The following RERG variants were observed in gnomAD, a reference collection of about 807,000 sequenced individuals.
RERG encodes the protein ras-related and estrogen-regulated growth inhibitor.
A neutral mutation model predicts 23.2 loss-of-function variants in RERG; 25 were observed. That is an observed-to-expected ratio of 1.08 (90% CI 0.79 to 1.50). The LOEUF is 1.50. RERG is among the 40% of genes most tolerant of loss of function. The pLI is 0.00. For missense variants in RERG, 253 were observed against 250.1 expected (o/e 1.01, Z -0.08); for synonymous variants, 81 against 89.1 (o/e 0.91, Z 0.51).
chr12:15,132,923 T>A (rs1313536591), intron 2 of RERG, among the ~76,000 whole-genome samples: 1 of 151,884 alleles, frequency 6.6e-6, no homozygotes, highest in Non-Finnish European at 1.5e-5. Context: ...TTTAAGTTCA[T>A]AGCAAAATTG....
At chr12:15,208,585 T>G (rs1038461514) in intron 2 of RERG, among the ~76,000 whole-genome samples, 10 of 152,160 alleles carry the variant, frequency 6.6e-5, no homozygotes, top group African/African-American at 2.4e-4. Flanking sequence ...CTTTGCCTTT[T>G]TGGAAGGTAC....
intron 3 of RERG, among the ~76,000 whole-genome samples, chr12:15,117,670 C>T (rs377326165): frequency 1.8e-5 from 1 of 54,682 alleles, no homozygotes; most frequent in African/African-American, 7.3e-5. Context: ...CTCCATCACA[C>T]ACGCGCACAC....
intron 3 of RERG, among the ~76,000 whole-genome samples, chr12:15,113,100 T>C (rs1863652824): frequency 6.6e-6 from 1 of 152,192 alleles, no homozygotes; most frequent in African/African-American, 2.4e-5. Flanking sequence ...AATCCTGGCA[T>C]TACAATTCTA....
At chr12:15,203,220 T>G (rs1016156366) in intron 2 of RERG, among the ~76,000 whole-genome samples, 4 of 151,894 alleles carry the variant, frequency 2.6e-5, no homozygotes, top group Admixed American at 2.6e-4. Flanking sequence ...TTTTTAAAAT[T>G]AACCCTTTAT....
At chr12:15,159,039 T>C (rs559899171) in intron 2 of RERG, among the ~76,000 whole-genome samples, 2 of 152,374 alleles carry the variant, frequency 1.3e-5, no homozygotes, top group East Asian at 1.9e-4. Context: ...ATCAATTATT[T>C]TGATAATTTC....
chr12:15,219,876 T>C (rs1374000097), intron 1 of RERG, among the ~76,000 whole-genome samples: 1 of 152,202 alleles, frequency 6.6e-6, no homozygotes, highest in Admixed American at 6.5e-5. Flanking sequence ...AACTCCCAAA[T>C]GGCCCCAGAG....
chr12:15,126,176 C>CGTAA (rs1472629539), intron 2 of RERG, among the ~76,000 whole-genome samples: 1 of 117,124 alleles, frequency 8.5e-6, no homozygotes, highest in African/African-American at 3.1e-5. Context: ...TACATTTTTA[C>CGTAA]ATATATAAAC....
intron 2 of RERG, among the ~76,000 whole-genome samples, chr12:15,149,539 T>C (rs991280120): frequency 6.6e-6 from 1 of 152,156 alleles, no homozygotes; most frequent in Non-Finnish European, 1.5e-5. Flanking sequence ...TTAACAATAC[T>C]AGTTCATGGC....
In RERG at chr12:15,107,902, T is replaced by G. The variant is rs1237856391; in HGVS notation, c.*1208A>C. On this transcript the variant is annotated 3_prime_UTR_variant, in exon 5 of 5. Coordinates refer to ENST00000256953, the MANE Select transcript of RERG (RefSeq NM_032918.3). ...TAACGCTTACAAATTTTTATACATATATCTATGCATTTATAAATACATACA... is the reference window on the plus strand; with the variant it reads ...TAACGCTTACAAATTTTTATACATAGATCTATGCATTTATAAATACATACA... The G allele has an allele frequency of 6.6e-6, 1 of 152,614 alleles. No individual in the cohort carries two copies. The highest frequency in any genetic ancestry group is 1.5e-5 in the Non-Finnish European group (1 of 68,008). The allele number at this position is 152,614 out of a possible 1,614,324, so 9.5% of individuals were successfully genotyped here. A position where few individuals can be genotyped will look rare whatever the true frequency, so the allele number is the denominator to read the frequency against.
rs56033971 is a variant in RERG at position 15,148,847 on chromosome 12, GTTTTTTTTTTTTTTTTTTTTTT to G, written c.62-27750_62-27729del. On this transcript the variant is annotated intron_variant, in intron 2 of 4. Coordinates refer to ENST00000256953, the MANE Select transcript of RERG (RefSeq NM_032918.3). ...AATTCATTTGCAGTCCTTTAACTCT[GTTTTTTTTTTTTTTTTTTTTTT>G]TTTTTTTTTTTTTTTTTTAGACAGA... Among the ~76,000 whole-genome samples, 231 of 45,564 alleles carry G rather than the reference GTTTTTTTTTTTTTTTTTTTTTT, an allele frequency of 5.1e-3. 4 individuals are homozygous for G. Among genetic ancestry groups the G allele is most frequent in the African/African-American group, 0.012 (202 of 16,950 alleles). The allele number at this position is 45,564 out of a possible 152,430, so 29.9% of individuals were successfully genotyped here.
intron 2 of RERG, 61 bp from the exon 3 acceptor site, chr12:15,121,180 CT>C: frequency 7.6e-7 from 1 of 1,316,662 alleles, no homozygotes; most frequent in Non-Finnish European, 1.1e-6. Context: ...GCACACCTAT[CT>C]TTTTAAGGAA....
intron 2 of RERG, among the ~76,000 whole-genome samples, chr12:15,166,105 A>T (rs894478843): frequency 6.6e-6 from 1 of 152,174 alleles, no homozygotes; most frequent in Admixed American, 6.5e-5. Flanking sequence ...CTCATTTCTA[A>T]TTTGAGAAGA....
chr12:15,218,384 C>T (rs543079403), intron 1 of RERG, among the ~76,000 whole-genome samples: 87 of 151,896 alleles, frequency 5.7e-4, no homozygotes, highest in Admixed American at 1.4e-3. Flanking sequence ...ATCATGGAAA[C>T]GTAAATTTGG....
At chr12:15,130,385 T>C (rs1864025137) in intron 2 of RERG, among the ~76,000 whole-genome samples, 1 of 152,202 alleles carries the variant, frequency 6.6e-6, no homozygotes, top group Non-Finnish European at 1.5e-5. Context: ...GCTTTTTATG[T>C]TCTCCTCCAC....
chr12:15,170,785 A>C (rs1864767142), intron 2 of RERG, among the ~76,000 whole-genome samples: 2 of 152,346 alleles, frequency 1.3e-5, no homozygotes, highest in Admixed American at 1.3e-4. Context: ...TTAAGTTCCC[A>C]AAAGGTAAAA....
Position 15,109,291 on chromosome 12 carries a change from A to G in RERG, c.419T>C (p.Leu140Ser). Residue 140 changes from leucine to serine, a missense_variant, in exon 5 of 5, where the codon TTG (leucine) becomes TCG (serine). Transcript: ENST00000256953. ...TEEGEKLATE[L>S]ACAFYECSAC... is the part of the protein sequence containing the mutation. ...AGAGCACTCGTAAAAAGCACAAGCC[A>G]ATTCTGTGGCCAGCTTCTCTCCTTC... 1.2e-6 allele frequency: 2 copies of G among 1,614,148 alleles called. No individual in the cohort carries two copies. Among genetic ancestry groups the G allele is most frequent in the Non-Finnish European group, 1.7e-6 (2 of 1,180,018 alleles).
chr12:15,164,937 G>A (rs767641509), intron 2 of RERG, among the ~76,000 whole-genome samples: 47 of 152,182 alleles, frequency 3.1e-4, no homozygotes, highest in Non-Finnish European at 5.9e-4. Context: ...TGCCGCTCTG[G>A]AAATTTTAAT....
chr12:15,160,209 G>C (rs1293406975), intron 2 of RERG, among the ~76,000 whole-genome samples: 2 of 151,570 alleles, frequency 1.3e-5, no homozygotes, highest in Non-Finnish European at 2.9e-5. Flanking sequence ...TCCTTGTCTT[G>C]ATATTGTACT....
At chr12:15,149,572 C>T (rs961220529) in intron 2 of RERG, among the ~76,000 whole-genome samples, 1 of 152,070 alleles carries the variant, frequency 6.6e-6, no homozygotes, top group Non-Finnish European at 1.5e-5. Context: ...GTGTTGCATA[C>T]TGGAGGGGAA....
Sources: gnomAD v4.1 joint callset for allele counts (sites outside exome capture counted in the v4.1 genomes callset) on GRCh38, gnomAD v4.1.1 for gene constraint, MANE v1.5 for transcripts, NCBI Gene and HGNC (gene_info 2026-07-23, HGNC 2026-07-21) for gene names.